The following RBMS3 variants were observed in gnomAD, a reference collection of about 807,000 sequenced individuals.
RBMS3 encodes RNA-binding motif, single-stranded-interacting protein 3.
RBMS3 carries 27 observed loss-of-function variants against 66.8 expected under a neutral mutation model. That is an observed-to-expected ratio of 0.40 (90% CI 0.30 to 0.56). RBMS3 has a LOEUF of 0.56. Among genes scored for constraint, RBMS3 ranks in the 20% least tolerant of loss-of-function variants. The pLI is 0.40. For synonymous variants in RBMS3, 188 were observed against 183.0 expected (o/e 1.03, Z -0.22); for missense variants, 513 against 549.5 (o/e 0.93, Z 0.66).
At chr3:29,550,175 C>A (rs1256715669) in intron 3 of RBMS3, among the ~76,000 whole-genome samples, 2 of 152,212 alleles carry the variant, frequency 1.3e-5, no homozygotes, top group Non-Finnish European at 2.9e-5. Context: ...GGCTTTGCAG[C>A]AGTAACATTT....
intron 4 of RBMS3, among the ~76,000 whole-genome samples, chr3:29,605,596 A>T (rs560393137): frequency 6.6e-6 from 1 of 152,082 alleles, no homozygotes; most frequent in South Asian, 2.1e-4. Flanking sequence ...AAGAATATAG[A>T]AAAAGTAGAA....
At chr3:29,842,325 T>C (rs1325673932) in intron 6 of RBMS3, among the ~76,000 whole-genome samples, 1 of 152,142 alleles carries the variant, frequency 6.6e-6, no homozygotes, top group Non-Finnish European at 1.5e-5. Context: ...TTCTTTAGAA[T>C]ACAATTCATT....
chr3:29,582,149 T>TACAG (rs142407524), intron 3 of RBMS3, among the ~76,000 whole-genome samples: 5 of 144,674 alleles, frequency 3.5e-5, no homozygotes, highest in Non-Finnish European at 7.6e-5. Flanking sequence ...AGAATTCCAT[T>TACAG]ATAGATAGAT....
intron 14 of RBMS3, among the ~76,000 whole-genome samples, chr3:29,996,074 T>A (rs1699208537): frequency 6.6e-6 from 1 of 151,856 alleles, no homozygotes; most frequent in Admixed American, 6.6e-5. Flanking sequence ...TGGAAGAAGA[T>A]CTACCAAGCC....
intron 2 of RBMS3, among the ~76,000 whole-genome samples, chr3:29,446,119 C>T (rs373420697): frequency 1.6e-4 from 24 of 152,052 alleles, no homozygotes; most frequent in Non-Finnish European, 2.1e-4. Flanking sequence ...AACAAAGAGA[C>T]GGCATAATAC....
chr3:29,940,785 A>G (rs1486883105), intron 11 of RBMS3, among the ~76,000 whole-genome samples: 2 of 150,864 alleles, frequency 1.3e-5, no homozygotes, highest in Admixed American at 6.6e-5. Context: ...CATCTTATGC[A>G]AGCAGTGTAA....
At chr3:29,620,417 G>T (rs879726071) in intron 4 of RBMS3, among the ~76,000 whole-genome samples, 2 of 151,958 alleles carry the variant, frequency 1.3e-5, no homozygotes, top group Admixed American at 1.3e-4. Flanking sequence ...TGAAGTTTAA[G>T]CTTATATCTC....
intron 4 of RBMS3, among the ~76,000 whole-genome samples, chr3:29,718,970 C>T (rs933572038): frequency 1.3e-5 from 2 of 152,106 alleles, no homozygotes; most frequent in Admixed American, 1.3e-4. Context: ...AGTACAATGC[C>T]AGCTTTTGTC....
intron 3 of RBMS3, among the ~76,000 whole-genome samples, chr3:29,491,033 T>C (rs1575992182): frequency 6.6e-6 from 1 of 152,220 alleles, no homozygotes; most frequent in Non-Finnish European, 1.5e-5. Context: ...TGCTGATATC[T>C]GTTGTCACAG....
At chr3:29,510,504 A>C (rs1267525150) in intron 3 of RBMS3, among the ~76,000 whole-genome samples, 1 of 152,172 alleles carries the variant, frequency 6.6e-6, no homozygotes, top group East Asian at 1.9e-4. Flanking sequence ...ATAATGTACC[A>C]TATGATACAG....
At chr3:29,391,059 G>A (rs7623623) in intron 1 of RBMS3, 1 of 366,756 alleles carries the variant, frequency 2.7e-6, no homozygotes, top group South Asian at 2.4e-5. Context: ...GTGCTGAACA[G>A]CAAATCAACC....
intron 3 of RBMS3, 138 bp from the exon 4 acceptor site, chr3:29,586,976 T>C: frequency 1.7e-6 from 1 of 585,150 alleles, no homozygotes; most frequent in Non-Finnish European, 3.0e-6. Flanking sequence ...GGACCACTAA[T>C]CTAAGAGCCT....
intron 1 of RBMS3, among the ~76,000 whole-genome samples, chr3:29,349,793 C>T (rs938945011): frequency 1.5e-4 from 23 of 152,220 alleles, no homozygotes; most frequent in African/African-American, 3.6e-4. Context: ...AGTTAAATTC[C>T]GATAGCCTTC....
chr3:29,938,909 T>A (rs915559091), intron 11 of RBMS3, among the ~76,000 whole-genome samples: 1 of 152,000 alleles, frequency 6.6e-6, no homozygotes, highest in African/African-American at 2.4e-5. Context: ...AGAGATGTTG[T>A]GAGTGTTAAT....
chr3:29,627,296 C>T (rs913401689), intron 4 of RBMS3, among the ~76,000 whole-genome samples: 1 of 146,032 alleles, frequency 6.8e-6, no homozygotes, highest in South Asian at 2.3e-4. Flanking sequence ...TTCTCTCTCT[C>T]TCTGTCTCTC....
At chr3:29,828,406 T>TA (rs1309066574) in intron 6 of RBMS3, among the ~76,000 whole-genome samples, 26 of 152,164 alleles carry the variant, frequency 1.7e-4, no homozygotes, top group African/African-American at 6.3e-4. Context: ...GCTCAGTTGA[T>TA]ATGCACATTT....
At chr3:29,344,350 C>A (rs967602027) in intron 1 of RBMS3, among the ~76,000 whole-genome samples, 6 of 152,160 alleles carry the variant, frequency 3.9e-5, no homozygotes, top group African/African-American at 1.4e-4. Context: ...AATTTTATCA[C>A]ACAATAGCAA....
At chr3:29,980,550 GTTT>G (rs1176116159) in intron 12 of RBMS3, among the ~76,000 whole-genome samples, 1 of 152,122 alleles carries the variant, frequency 6.6e-6, no homozygotes, top group Non-Finnish European at 1.5e-5. Context: ...TTCTTCTAAG[GTTT>G]TTAAGGTTTT....
chr3:29,690,555 G>C (rs2149272448), intron 4 of RBMS3, among the ~76,000 whole-genome samples: 1 of 152,176 alleles, frequency 6.6e-6, no homozygotes, highest in East Asian at 1.9e-4. Flanking sequence ...CTTTGAAATG[G>C]GTTATATATT....
Sources: gnomAD v4.1 joint callset for allele counts (sites outside exome capture counted in the v4.1 genomes callset) on GRCh38, gnomAD v4.1.1 for gene constraint, MANE v1.5 for transcripts, NCBI Gene and HGNC (gene_info 2026-07-23, HGNC 2026-07-21) for gene names.